PLEKHA2: variants seen among roughly 807,000 people sequenced by gnomAD.
The protein encoded by PLEKHA2 is pleckstrin homology domain-containing family A member 2.
PLEKHA2 carries 28 observed loss-of-function variants against 53.2 expected under a neutral mutation model. That is an observed-to-expected ratio of 0.53 (90% confidence interval 0.39 to 0.72). The LOEUF (loss-of-function observed/expected upper bound fraction) is 0.72. Among genes scored for constraint, PLEKHA2 ranks in the 30% least tolerant of loss-of-function variants. The pLI, the probability that PLEKHA2 is intolerant of heterozygous loss-of-function variation, is 0.00. For missense variants in PLEKHA2, 426 were observed against 537.9 expected, an observed-to-expected ratio of 0.79 and a Z score of 2.06; for synonymous variants, 193 against 196.4, an observed-to-expected ratio of 0.98 and a Z score of 0.14.
chr8:38,941,680 A>G (rs987692111), intron 3 of PLEKHA2, among the ~76,000 whole-genome samples: 1 of 152,242 alleles, frequency 6.6e-6, no homozygotes, highest in South Asian at 2.1e-4. Context: ...TGAGGTATCA[A>G]AAGCTATAAA....
intron 1 of PLEKHA2, among the ~76,000 whole-genome samples, chr8:38,911,625 A>T (rs17515904): frequency 0.013 from 1,907 of 152,262 alleles, 13 homozygotes; most frequent in Non-Finnish European, 0.016. Flanking sequence ...CTCTTGAGAT[A>T]AACCACCCTC....
chr8:38,958,197 T>C (rs962133569), intron 10 of PLEKHA2, among the ~76,000 whole-genome samples: 4 of 151,994 alleles, frequency 2.6e-5, no homozygotes, highest in African/African-American at 9.7e-5. Context: ...CATGGTGGTG[T>C]CTGTAATCCC....
intron 2 of PLEKHA2, among the ~76,000 whole-genome samples, chr8:38,920,591 A>G (rs942825991): frequency 2.7e-5 from 4 of 145,914 alleles, no homozygotes; most frequent in Non-Finnish European, 4.5e-5. Flanking sequence ...TTTTTTTTCA[A>G]TTTGGGATCT....
At position 38,938,732 on chromosome 8, in the gene PLEKHA2, G is replaced by A. The variant is rs550641934; in HGVS notation, c.198+2682G>A. Among the ~76,000 whole-genome samples, 18 of 152,258 alleles carry A rather than the reference G, an allele frequency of 1.2e-4. No individual in the cohort carries two copies. In the South Asian group the frequency reaches 2.9e-3, roughly 25 times the overall value. On this transcript the variant is annotated intron_variant, in intron 3 of 11. Coordinates refer to ENST00000617275, the MANE Select transcript of PLEKHA2 (RefSeq NM_021623.2). ...CACCAGTCAACCACTGCTGGGTAGC[G>A]CCTCTGCTGTGGCCACCTCGGCTGT...
At chr8:38,927,962 T>C (rs1239351577) in intron 2 of PLEKHA2, among the ~76,000 whole-genome samples, 3 of 151,834 alleles carry the variant, frequency 2.0e-5, no homozygotes, top group Non-Finnish European at 2.9e-5. Flanking sequence ...GGGGGCAGGT[T>C]TAGAGGCTAC....
chr8:38,973,582 G>A lies in PLEKHA2; in HGVS notation c.*3799G>A, dbSNP rs1835291417. ...CAGGTTTGTTAAATCTTGTCTGCCA[G>A]CACCCTTTTCTTCCTTTGTTCCTTT... On this transcript the variant is annotated 3_prime_UTR_variant, in exon 12 of 12. Transcript: ENST00000617275. 6.6e-6 allele frequency: 1 copy of A among 150,912 alleles called. No homozygotes were observed. The highest frequency in any genetic ancestry group is 1.5e-5 in the Non-Finnish European group (1 of 67,852). 9.3% of individuals were successfully genotyped at this position (150,912 alleles called of 1,614,324 possible).
At position 38,950,197 on chromosome 8, in the gene PLEKHA2, T is replaced by C. The variant is rs370387496; in HGVS notation, c.346-653T>C. Among the ~76,000 whole-genome samples the C allele has an allele frequency of 2.0e-4, 29 of 147,906 alleles. 1 individual carries two copies. In the East Asian group the frequency reaches 3.7e-3, roughly 19 times the overall value. On this transcript the variant is annotated intron_variant, in intron 5 of 11. Coordinates refer to ENST00000617275, the MANE Select transcript of PLEKHA2 (RefSeq NM_021623.2). ...GCTGTGTGCTACCACACCTGGCTAA[T>C]TTTTTTTTTCATTTTTAGTAGAGAT...
chr8:38,940,686 T>C (rs1834594091), intron 3 of PLEKHA2, among the ~76,000 whole-genome samples: 1 of 145,358 alleles, frequency 6.9e-6, no homozygotes, highest in Admixed American at 6.9e-5. Flanking sequence ...AAGCAAGATG[T>C]CTAGGGGCCT....
At chr8:38,952,725 C>G (rs1834869295) in intron 8 of PLEKHA2, 21 bp downstream of exon 8, 1 of 1,606,370 alleles carries the variant, frequency 6.2e-7, no homozygotes, top group Non-Finnish European at 8.5e-7. Flanking sequence ...GCTTTGCTGC[C>G]CTTCTGAGAG....
intron 3 of PLEKHA2, among the ~76,000 whole-genome samples, chr8:38,942,867 T>C (rs1834636873): frequency 6.6e-6 from 1 of 152,204 alleles, no homozygotes; most frequent in Non-Finnish European, 1.5e-5. Flanking sequence ...CTCTGTTTCT[T>C]GCCCTTCCCT....
chr8:38,947,143 C>T (rs1159353957), intron 5 of PLEKHA2, among the ~76,000 whole-genome samples: 1 of 142,718 alleles, frequency 7.0e-6, no homozygotes, highest in African/African-American at 2.6e-5. Flanking sequence ...TCTGATAAAC[C>T]TTGGTAAACC....
At chr8:38,961,590 A>G (rs1835043039) in intron 10 of PLEKHA2, among the ~76,000 whole-genome samples, 1 of 152,148 alleles carries the variant, frequency 6.6e-6, no homozygotes, top group African/African-American at 2.4e-5. Flanking sequence ...AAGATGAAAG[A>G]ATATGCCTAC....
At position 38,957,632 on chromosome 8, in the gene PLEKHA2, G is replaced by T. The variant is rs146652419; in HGVS notation, c.837+246G>T. On this transcript the variant is annotated intron_variant, in intron 10 of 11. Transcript: ENST00000617275. ...TGAGGAATGTGAGTGTGTACCAGTT[G>T]CTCTCAGCTGCTGGGCTCCAGCTAA... Among the ~76,000 whole-genome samples, 20 of 152,290 alleles carry T rather than the reference G, an allele frequency of 1.3e-4. No homozygotes were observed. In the East Asian group the frequency reaches 3.9e-3, roughly 29 times the overall value.
At chr8:38,936,590 G>T (rs973480760) in intron 3 of PLEKHA2, among the ~76,000 whole-genome samples, 6 of 152,238 alleles carry the variant, frequency 3.9e-5, no homozygotes, top group African/African-American at 7.2e-5. Flanking sequence ...ATAACTGCTG[G>T]GGGTTGGGGC....
At chr8:38,905,072 C>G (rs1833849511) in intron 1 of PLEKHA2, among the ~76,000 whole-genome samples, 1 of 152,210 alleles carries the variant, frequency 6.6e-6, no homozygotes, top group African/African-American at 2.4e-5. Flanking sequence ...GACTCATGCT[C>G]TTTCCCTTCA....
chr8:38,959,529 T>C (rs1011818995), intron 10 of PLEKHA2, among the ~76,000 whole-genome samples: 8 of 152,282 alleles, frequency 5.3e-5, no homozygotes, highest in African/African-American at 1.7e-4. Context: ...ATCTGTGAAA[T>C]GGAGATGATG....
intron 10 of PLEKHA2, among the ~76,000 whole-genome samples, chr8:38,962,269 G>T (rs957120890): frequency 6.6e-6 from 1 of 152,110 alleles, no homozygotes; most frequent in Non-Finnish European, 1.5e-5. Context: ...TGGAAGGATT[G>T]TTGGAGCCCA....
In PLEKHA2 at chr8:38,936,030, C is replaced by G. The variant is rs200112034; in HGVS notation, c.178C>G (p.Gln60Glu). 257 of 1,613,490 alleles carry G rather than the reference C, an allele frequency of 1.6e-4. No homozygotes were observed. In the African/African-American group the frequency reaches 3.2e-3, roughly 20 times the overall value. The change falls in exon 3 of 12, where the codon CAG becomes GAG. Residue 60 changes from glutamine to glutamate, a missense_variant. Coordinates refer to ENST00000617275, the MANE Select transcript of PLEKHA2 (RefSeq NM_021623.2). ...AMGAGAVGALQLTYISKVSIA... is the reference protein window; with the variant it reads ...AMGAGAVGALELTYISKVSIA... Reference sequence around the variant, plus strand: ...GGGGGCAGGAGCTGTTGGAGCTTTGCAGCTGACCTACATCTCGAAGGTAAT... The same window carrying G: ...GGGGGCAGGAGCTGTTGGAGCTTTGGAGCTGACCTACATCTCGAAGGTAAT...
intron 1 of PLEKHA2, among the ~76,000 whole-genome samples, chr8:38,914,133 C>G (rs1314503015): frequency 1.3e-5 from 2 of 152,234 alleles, no homozygotes; most frequent in Admixed American, 1.3e-4. Flanking sequence ...TCACCTCTGT[C>G]CTGTTTCTCG....
Sources: gnomAD v4.1 joint callset for allele counts (sites outside exome capture counted in the v4.1 genomes callset) on GRCh38, gnomAD v4.1.1 for gene constraint, MANE v1.5 for transcripts, NCBI Gene and HGNC (gene_info 2026-07-23, HGNC 2026-07-21) for gene names.